The following FBXL8 variants were observed in gnomAD, a reference collection of about 807,000 sequenced individuals.
FBXL8 encodes F-box and leucine rich repeat protein 8.
FBXL8 carries 13 observed loss-of-function variants against 8.2 expected under a neutral mutation model. That is an observed-to-expected ratio of 1.58 (90% CI 1.03 to 2.51). The LOEUF is 2.51. FBXL8 is among the 30% of genes most tolerant of loss of function. The probability of loss-of-function intolerance (pLI) is 0.00; values close to 1 mark genes in which losing one functional copy is unlikely to be tolerated. For missense variants in FBXL8, 565 were observed against 540.4 expected (o/e 1.05, Z -0.45); for synonymous variants, 271 against 260.5 (o/e 1.04, Z -0.39).
In FBXL8 at chr16:67,163,803, C is replaced by T. The variant is rs1271326613; in HGVS notation, c.1108C>T (p.Pro370Ser). 1 of 1,557,778 alleles carries T rather than the reference C, an allele frequency of 6.4e-7. No homozygotes were observed. Among genetic ancestry groups the T allele is most frequent in the South Asian group, 1.2e-5 (1 of 85,366 alleles). ...KLTREPHPWR[P>S]TLVA Reference sequence around the variant, plus strand: ...CACGCGCGAGCCGCATCCCTGGAGGCCTACGCTCGTGGCGTGATTGGGCGA... The same window carrying T: ...CACGCGCGAGCCGCATCCCTGGAGGTCTACGCTCGTGGCGTGATTGGGCGA... The change falls in exon 3 of 3, where the codon CCT becomes TCT. Residue 370 changes from proline (P) to serine (S), a missense_variant. Coordinates refer to ENST00000258200, the MANE Select transcript of FBXL8 (RefSeq NM_018378.3).
chr16:67,164,069 C>T lies in FBXL8; in HGVS notation c.*249C>T. 1.4e-6 allele frequency: 1 copy of T among 703,258 alleles called. No individual in the cohort carries two copies. Among genetic ancestry groups the T allele is most frequent in the Non-Finnish European group, 2.6e-6 (1 of 389,168 alleles). The allele number at this position is 703,258 out of a possible 1,614,324, so 43.6% of individuals were successfully genotyped here. On this transcript the variant is annotated 3_prime_UTR_variant, in exon 3 of 3. Coordinates refer to ENST00000258200, the MANE Select transcript of FBXL8 (RefSeq NM_018378.3). ...ACACTGCCCCCCTCTCTTGCCTCCA[C>T]CCCTCTGCGGACTCTGCAGCTCCGC...
In FBXL8 at chr16:67,163,320, G is replaced by T. The variant is rs375713237; in HGVS notation, c.625G>T (p.Glu209Ter). Residue 209 changes from glutamate (E) to a stop codon, truncating the protein, a stop_gained, in exon 3 of 3, where the codon GAA becomes TAA. Transcript: ENST00000258200. LOFTEE classifies it low-confidence loss of function (END_TRUNC). The stretch of plus-strand genomic sequence containing the variant: ...AGCCAGTTTGTCGCACGCCATCCTC[G>T]AAGCACTGGCGGCGCCAGACCGAGC... ...HLASLSHAILEALAAPDRAPF... is the reference protein window; with the variant it reads ...HLASLSHAIL 1.9e-4 allele frequency: 302 copies of T among 1,573,492 alleles called. No individual in the cohort carries two copies. Among genetic ancestry groups the T allele is most frequent in the Non-Finnish European group, 2.5e-4 (290 of 1,163,162 alleles).
chr16:67,163,171 G>A lies in FBXL8; in HGVS notation c.476G>A (p.Arg159His). 1 of 1,563,058 alleles carries A rather than the reference G, an allele frequency of 6.4e-7. No homozygotes were observed. The highest frequency in any genetic ancestry group is 8.7e-7 in the Non-Finnish European group (1 of 1,155,172). Residue 159 changes from arginine to histidine, a missense_variant, in exon 3 of 3, where the codon CGC becomes CAC. Transcript: ENST00000258200. ...LDDALVLQAA[R>H]SCPELHSLFL... ...GACGCGCTGGTGCTGCAGGCGGCGC[G>A]CAGCTGTCCCGAGCTCCACAGCCTT...
At chr16:67,161,252 G>A (rs562032668) in intron 1 of FBXL8, 2 of 168,700 alleles carry the variant, frequency 1.2e-5, no homozygotes, top group Admixed American at 1.3e-4. Context: ...GTCAGTCTGG[G>A]CAACAAAGCG....
Position 67,163,797 on chromosome 16 carries a change from T to G in FBXL8, c.1102T>G (p.Trp368Gly), listed in dbSNP as rs985088359. ...CAAGCTCACGCGCGAGCCGCATCCC[T>G]GGAGGCCTACGCTCGTGGCGTGATT... ...TLKLTREPHP[W>G]RPTLVA The change falls in exon 3 of 3, where the codon TGG becomes GGG. Residue 368 changes from tryptophan (W) to glycine (G), a missense_variant. Trp to Gly is a radical substitution (Grantham distance 184, BLOSUM62 -2). Coordinates refer to ENST00000258200, the MANE Select transcript of FBXL8 (RefSeq NM_018378.3). 28 of 1,563,148 alleles carry G rather than the reference T, an allele frequency of 1.8e-5. No individual in the cohort carries two copies. The highest frequency in any genetic ancestry group is 2.4e-5 in the Non-Finnish European group (28 of 1,162,590).
Position 67,163,394 on chromosome 16 carries a change from C to T in FBXL8, c.699C>T (p.Arg233=), listed in dbSNP as rs1449625928. ...GGTGCGCGTGCCCCGAAGATGCACG[C>T]GCGTCCCCGCTGCCCAACGAAGCCT... ...ALRCACPEDA[R]ASPLPNEAWV... is the part of the protein sequence containing the mutation. Residue 233 remains arginine, a synonymous_variant, in exon 3 of 3, where the codon CGC becomes CGT. Coordinates refer to ENST00000258200, the MANE Select transcript of FBXL8 (RefSeq NM_018378.3). The T allele has an allele frequency of 1.3e-6, 2 of 1,539,382 alleles. No homozygotes were observed. The highest frequency in any genetic ancestry group is 1.2e-5 in the South Asian group (1 of 85,020).
At position 67,163,673 on chromosome 16, in the gene FBXL8, C is replaced by A; in HGVS notation, c.978C>A (p.Arg326=). Reference sequence around the variant, plus strand: ...CCGCGCTGGAGGAGCTGGCGGCGCGCTGCGCGGCCCTGCGCGAGGTGCATT... The same window carrying A: ...CCGCGCTGGAGGAGCTGGCGGCGCGATGCGCGGCCCTGCGCGAGGTGCATT... ...LNAALEELAA[R]CAALREVHCF... The change falls in exon 3 of 3, where the codon CGC becomes CGA. Residue 326 remains arginine (R), a synonymous_variant. Coordinates refer to ENST00000258200, the MANE Select transcript of FBXL8 (RefSeq NM_018378.3). 6.3e-7 allele frequency: 1 copy of A among 1,576,274 alleles called. No individual in the cohort carries two copies. Among genetic ancestry groups the A allele is most frequent in the Middle Eastern group, 1.7e-4 (1 of 5,922 alleles).
Position 67,163,794 on chromosome 16 carries a change from C to A in FBXL8, c.1099C>A (p.Pro367Thr). The A allele has an allele frequency of 6.4e-7, 1 of 1,563,566 alleles. No homozygotes were observed. Among genetic ancestry groups the A allele is most frequent in the Non-Finnish European group, 8.6e-7 (1 of 1,162,764 alleles). ...YTLKLTREPH[P>T]WRPTLVA ...CCTCAAGCTCACGCGCGAGCCGCAT[C>A]CCTGGAGGCCTACGCTCGTGGCGTG... Residue 367 changes from proline (P) to threonine (T), a missense_variant, in exon 3 of 3, where the codon CCC (proline) becomes ACC (threonine). Transcript: ENST00000258200.
rs760573387 is a variant in FBXL8, at chr16:67,163,106, A to G, written c.411A>G (p.Leu137=). The G allele has an allele frequency of 5.7e-6, 9 of 1,581,578 alleles. No individual in the cohort carries two copies. In the South Asian group the frequency reaches 1.0e-4, roughly 18 times the overall value. Residue 137 remains leucine, a synonymous_variant, in exon 3 of 3, where the codon CTA becomes CTG. Transcript: ENST00000258200. ...CTGTATGCGGGGCGGCCAGCCAGCT[A>G]CGCCACCTCGACCTGCGGCGCTTGT... The part of the protein sequence containing the change: ...VHAVCGAASQ[L]RHLDLRRLSF...
chr16:67,162,608 TA>T, intron 2 of FBXL8: 1 of 717,624 alleles, frequency 1.4e-6, no homozygotes, highest in Non-Finnish European at 2.5e-6. Context: ...GCCCAGTTCC[TA>T]AAATATCATT....
intron 2 of FBXL8, chr16:67,162,645 TG>T: frequency 1.3e-6 from 1 of 753,080 alleles, no homozygotes; most frequent in Non-Finnish European, 2.3e-6. Context: ...GGTTTCATCC[TG>T]TGGCAGACGC....
chr16:67,162,806 A>G, intron 2 of FBXL8, 42 bp from the exon 3 acceptor site: 1 of 1,548,566 alleles, frequency 6.5e-7, no homozygotes, highest in Non-Finnish European at 8.7e-7. Flanking sequence ...CGCTGGTCGC[A>G]GGGACTCAGC....
intron 2 of FBXL8, chr16:67,162,551 T>C (rs1597233473): frequency 1.4e-6 from 1 of 701,604 alleles, no homozygotes. Flanking sequence ...AATTCGAACC[T>C]AGCAGTCCGG....
At chr16:67,162,295 C>T in intron 2 of FBXL8, 1 of 435,454 alleles carries the variant, frequency 2.3e-6, no homozygotes, top group Non-Finnish European at 4.2e-6. Flanking sequence ...CACCACTGCA[C>T]TCCAGCTTGG....
rs1345894746 is a variant in FBXL8 at position 67,163,824 on chromosome 16, G to A, written c.*4G>A. ...GAGGCCTACGCTCGTGGCGTGATTGGGCGACTTCTCTCCCCCGTCCCCGTG... is the reference window on the plus strand; with the variant it reads ...GAGGCCTACGCTCGTGGCGTGATTGAGCGACTTCTCTCCCCCGTCCCCGTG... On this transcript the variant is annotated 3_prime_UTR_variant, in exon 3 of 3. Coordinates refer to ENST00000258200, the MANE Select transcript of FBXL8 (RefSeq NM_018378.3). 3 of 1,540,708 alleles carry A rather than the reference G, an allele frequency of 1.9e-6. No individual in the cohort carries two copies. Among genetic ancestry groups the A allele is most frequent in the Admixed American group, 1.9e-5 (1 of 51,696 alleles).
rs373470550 is a variant in FBXL8, at chr16:67,163,181, C to A, written c.486C>A (p.Pro162=). The change falls in exon 3 of 3, where the codon CCC becomes CCA. Residue 162 remains proline (P), a synonymous_variant. Transcript: ENST00000258200. Reference sequence around the variant, plus strand: ...TGCTGCAGGCGGCGCGCAGCTGTCCCGAGCTCCACAGCCTTTTTCTGGACA... The same window carrying A: ...TGCTGCAGGCGGCGCGCAGCTGTCCAGAGCTCCACAGCCTTTTTCTGGACA... ...ALVLQAARSC[P]ELHSLFLDNS... 9.0e-6 allele frequency: 14 copies of A among 1,562,548 alleles called. No homozygotes were observed. Among genetic ancestry groups the A allele is most frequent in the Non-Finnish European group, 1.2e-5 (14 of 1,154,944 alleles).
In FBXL8 at chr16:67,163,841, G is replaced by A; in HGVS notation, c.*21G>A. ...CGTGATTGGGCGACTTCTCTCCCCC[G>A]TCCCCGTGGACGTAAGCGCTCTGAG... On this transcript the variant is annotated 3_prime_UTR_variant, in exon 3 of 3. Transcript: ENST00000258200. 1.3e-6 allele frequency: 2 copies of A among 1,528,232 alleles called. No individual in the cohort carries two copies. The highest frequency in any genetic ancestry group is 1.7e-6 in the Non-Finnish European group (2 of 1,146,268). The allele number at this position is 1,528,232 out of a possible 1,614,324, so 94.7% of individuals were successfully genotyped here. A position where few individuals can be genotyped will look rare whatever the true frequency, so the allele number is the denominator to read the frequency against.
At chr16:67,162,590 C>T in intron 2 of FBXL8, 1 of 708,724 alleles carries the variant, frequency 1.4e-6, no homozygotes, top group Non-Finnish European at 2.6e-6. Context: ...TTAGAGACAG[C>T]TGAGAAAGCC....
In FBXL8 at chr16:67,163,715, C is replaced by T; in HGVS notation, c.1020C>T (p.Ser340=). Residue 340 remains serine, a synonymous_variant, in exon 3 of 3, where the codon AGC becomes AGT. Coordinates refer to ENST00000258200, the MANE Select transcript of FBXL8 (RefSeq NM_018378.3). Reference sequence around the variant, plus strand: ...AGGTGCATTGTTTCTGCGTGGTGAGCCACTCGGTGCTGGACGCCTTCCGCG... The same window carrying T: ...AGGTGCATTGTTTCTGCGTGGTGAGTCACTCGGTGCTGGACGCCTTCCGCG... ...LREVHCFCVV[S]HSVLDAFRAH... 6.3e-7 allele frequency: 1 copy of T among 1,594,802 alleles called. No homozygotes were observed. The highest frequency in any genetic ancestry group is 1.1e-5 in the South Asian group (1 of 90,446).
Sources: gnomAD v4.1 joint callset for allele counts on GRCh38, gnomAD v4.1.1 for gene constraint, MANE v1.5 for transcripts, NCBI Gene and HGNC (gene_info 2026-07-23, HGNC 2026-07-21) for gene names.